Variants in ESPL1 observed in about 807,000 individuals in gnomAD.
The protein encoded by ESPL1 is separin.
ESPL1 carries 50 observed loss-of-function variants against 217.2 expected under a neutral mutation model. That is an observed-to-expected ratio of 0.23 (90% CI 0.18 to 0.29). The LOEUF (loss-of-function observed/expected upper bound fraction) is 0.29, where lower values mean the gene tolerates loss of function less well. Among genes scored for constraint, ESPL1 ranks in the 10% least tolerant of loss-of-function variants. The probability of loss-of-function intolerance (pLI) is 1.00; values close to 1 mark genes in which losing one functional copy is unlikely to be tolerated. For missense variants in ESPL1, 1,834 were observed against 2,603.0 expected (o/e 0.70, Z 6.43); for synonymous variants, 994 against 1,081.3 (o/e 0.92, Z 1.58).
At position 53,286,711 on chromosome 12, in the gene ESPL1, T is replaced by C; in HGVS notation, c.3975T>C (p.Ser1325=). 6.2e-7 allele frequency: 1 copy of C among 1,614,152 alleles called. No individual in the cohort carries two copies. Among genetic ancestry groups the C allele is most frequent in the East Asian group, 2.2e-5 (1 of 44,892 alleles). The stretch of plus-strand genomic sequence containing the variant: ...GACGAGGGCGCCAAAAGTTAGCCTC[T>C]GCTCCCCTGCGCCTCAATAATACCT... ...RSGRGRQKLA[S]APLRLNNTSQ... Residue 1325 remains serine (S), a synonymous_variant, in exon 18 of 31, where the codon TCT becomes TCC. Transcript: ENST00000257934. This position sits in a 1 kb window ranked among gnomAD's most constrained non-coding sequence, Gnocchi z 5.3.
chr12:53,269,785 C>T lies in ESPL1; in HGVS notation c.843C>T (p.Tyr281=). Residue 281 remains tyrosine (Y), a synonymous_variant, in exon 3 of 31, where the codon TAC becomes TAT. Transcript: ENST00000257934. The surrounding 1 kb of genome is among the most constrained non-coding windows in gnomAD (Gnocchi z 6.7). ...AISAVEKAHS[Y]LRNTNLAPSL... is the part of the protein sequence containing the mutation. Reference sequence around the variant, plus strand: ...GCGCAGTGGAGAAGGCTCACAGTTACCTAAGGAACACCAATCTAGCCCCTA... The same window carrying T: ...GCGCAGTGGAGAAGGCTCACAGTTATCTAAGGAACACCAATCTAGCCCCTA... The T allele has an allele frequency of 6.2e-7, 1 of 1,614,198 alleles. No homozygotes were observed. The highest frequency in any genetic ancestry group is 8.5e-7 in the Non-Finnish European group (1 of 1,180,038).
In ESPL1 at chr12:53,269,185, C is replaced by T; in HGVS notation, c.243C>T (p.Ala81=). ...LGSLLELAEL[A]CDGYLVSTPQ... ...GCCTGCTGGAGCTGGCAGAGCTGGC[C>T]TGTGATGGCTACTTAGTGTCTACCC... Residue 81 remains alanine, a synonymous_variant, in exon 3 of 31, where the codon GCC becomes GCT. Transcript: ENST00000257934. The surrounding 1 kb of genome is among the most constrained non-coding windows in gnomAD (Gnocchi z 6.7). 2.5e-6 allele frequency: 4 copies of T among 1,614,182 alleles called. No individual in the cohort carries two copies. The highest frequency in any genetic ancestry group is 3.4e-6 in the Non-Finnish European group (4 of 1,180,034).
At chr12:53,279,519 T>C (rs1343797205) in intron 11 of ESPL1, among the ~76,000 whole-genome samples, 1 of 152,198 alleles carries the variant, frequency 6.6e-6, no homozygotes, top group Admixed American at 6.5e-5. Context: ...TGGCACATAG[T>C]AAGAACTCAG....
chr12:53,286,157 T>C lies in ESPL1; in HGVS notation c.3421T>C (p.Ser1141Pro). ...TKPQPIPNFL[S>P]HSPTCDCSLC... is the part of the protein sequence containing the mutation. ...GCCCCAGCCCATACCCAACTTCCTG[T>C]CCCATTCACCCACCTGTGACTGCTC... Residue 1141 changes from serine (S) to proline (P), a missense_variant, in exon 18 of 31, where the codon TCC (serine) becomes CCC (proline). By Grantham distance (74) the Ser-to-Pro change is moderately conservative (BLOSUM62 -1). Coordinates refer to ENST00000257934, the MANE Select transcript of ESPL1 (RefSeq NM_012291.5). This position sits in a 1 kb window ranked among gnomAD's most constrained non-coding sequence, Gnocchi z 5.3. The C allele has an allele frequency of 1.2e-6, 2 of 1,614,240 alleles. No homozygotes were observed. The highest frequency in any genetic ancestry group is 1.7e-6 in the Non-Finnish European group (2 of 1,180,044).
rs1383614300 is a variant in ESPL1 at position 53,292,806 on chromosome 12, C to T, written c.5997C>T (p.Ile1999=). ...QEALTKHDLY[I]YAGHGAGARF... ...CTCATCTCACCTCCTTCTGCCTTAG[C>T]TATGCAGGGCATGGGGCTGGTGCCC... The change falls in exon 30 of 31, where the codon ATC becomes ATT. Residue 1999 remains isoleucine, a splice_region_variant and synonymous_variant. Coordinates refer to ENST00000257934, the MANE Select transcript of ESPL1 (RefSeq NM_012291.5). This position sits in a 1 kb window ranked among gnomAD's most constrained non-coding sequence, Gnocchi z 4.5. The T allele has an allele frequency of 1.2e-6, 2 of 1,608,396 alleles. No individual in the cohort carries two copies. Among genetic ancestry groups the T allele is most frequent in the Non-Finnish European group, 1.7e-6 (2 of 1,179,882 alleles).
rs754351922 is a variant in ESPL1 at position 53,291,825 on chromosome 12, C to T, written c.5656C>T (p.Pro1886Ser). Residue 1886 changes from proline to serine, a missense_variant, in exon 26 of 31, where the codon CCA becomes TCA. Pro to Ser is a moderately conservative substitution (Grantham distance 74). Coordinates refer to ENST00000257934, the MANE Select transcript of ESPL1 (RefSeq NM_012291.5). ...AGGACGTCTACAGGGCCTGACAGTA[C>T]CAAGCAATAGCCACCTTGTCTTGGT... is the stretch of plus-strand genomic sequence containing the variant. The part of the protein sequence containing the change: ...AVGRLQGLTV[P>S]SNSHLVLVLD... 9.4e-6 allele frequency: 15 copies of T among 1,596,178 alleles called. No individual in the cohort carries two copies. The highest frequency in any genetic ancestry group is 3.5e-5 in the Admixed American group (2 of 57,422).
At chr12:53,288,951 C>A in intron 20 of ESPL1, 139 bp from the exon 21 acceptor site, 1 of 760,422 alleles carries the variant, frequency 1.3e-6, no homozygotes, top group South Asian at 1.7e-5. Flanking sequence ...TGGCACCCCA[C>A]TTGGCACATT....
intron 17 of ESPL1, among the ~76,000 whole-genome samples, chr12:53,285,216 C>T (rs1943927189): frequency 6.6e-6 from 1 of 152,074 alleles, no homozygotes; most frequent in Non-Finnish European, 1.5e-5. Flanking sequence ...ATCACATATA[C>T]TTCTAGTACT....
intron 11 of ESPL1, 112 bp downstream of exon 11, chr12:53,278,072 T>C: frequency 9.0e-7 from 1 of 1,108,916 alleles, no homozygotes; most frequent in Non-Finnish European, 1.3e-6. Flanking sequence ...AAGCCAGTGA[T>C]GGAAGCGCAG....
In ESPL1 at chr12:53,288,808, G is replaced by A. The variant is rs910395537; in HGVS notation, c.4708+109G>A. The A allele has an allele frequency of 2.7e-5, 28 of 1,046,880 alleles. No individual in the cohort carries two copies. In the African/African-American group the frequency reaches 4.2e-4, roughly 16 times the overall value. 64.8% of individuals were successfully genotyped at this position (1,046,880 alleles called of 1,614,324 possible). On this transcript the variant is annotated intron_variant, in intron 20 of 30. Transcript: ENST00000257934. ...TTCGGATCTGGATCCAGTAGCCTCT[G>A]AACCTGTGTTTGAACCCCAGCACTC...
rs1209140126 is a variant in ESPL1 at position 53,277,878 on chromosome 12, G to T, written c.2282G>T (p.Gly761Val). Reference protein sequence around the residue: ...LALWKELLTKGQAPAVRCLQQ... With the variant: ...LALWKELLTKVQAPAVRCLQQ... ...CTGTGGAAGGAGCTGCTTACAAAGG[G>T]GCAGGCCCCAGCTGTACGGTGTCTC... The change falls in exon 11 of 31, where the codon GGG becomes GTG. Residue 761 changes from glycine to valine, a missense_variant. Around this residue, in one of 5 missense-constraint regions of ESPL1, gnomAD observed 746 missense variants for 1,077.0 expected, o/e 0.69. Transcript: ENST00000257934. 1.2e-6 allele frequency: 2 copies of T among 1,614,092 alleles called. No homozygotes were observed. The highest frequency in any genetic ancestry group is 1.7e-6 in the Non-Finnish European group (2 of 1,180,040).
At chr12:53,272,963 C>T in intron 6 of ESPL1, 106 bp downstream of exon 6, 1 of 1,152,514 alleles carries the variant, frequency 8.7e-7, no homozygotes, top group Non-Finnish European at 1.2e-6. Flanking sequence ...AGGTTAATAG[C>T]AGCATGTTGA....
chr12:53,283,561 T>C, intron 16 of ESPL1, 23 bp downstream of exon 16: 1 of 1,601,596 alleles, frequency 6.2e-7, no homozygotes, highest in Non-Finnish European at 8.5e-7. Context: ...CCAGAGGATA[T>C]GGCAATGATG....
rs1387376673 is a variant in ESPL1, at chr12:53,283,258, G to A, written c.2920+1G>A. Reference sequence around the variant, plus strand: ...GTGGAGACATCGTTTTTGGACTATGGTGAGTCTGGGGAGGACAGCAGGGCC... The same window carrying A: ...GTGGAGACATCGTTTTTGGACTATGATGAGTCTGGGGAGGACAGCAGGGCC... On this transcript the variant is annotated splice_donor_variant, in intron 15 of 30. Transcript: ENST00000257934. LOFTEE classifies it high-confidence loss of function. 1 of 1,614,108 alleles carries A rather than the reference G, an allele frequency of 6.2e-7. No homozygotes were observed. Among genetic ancestry groups the A allele is most frequent in the Non-Finnish European group, 8.5e-7 (1 of 1,180,038 alleles).
chr12:53,289,236 C>T lies in ESPL1; in HGVS notation c.4855C>T (p.Leu1619Phe). 1 of 1,613,134 alleles carries T rather than the reference C, an allele frequency of 6.2e-7. No homozygotes were observed. Among genetic ancestry groups the T allele is most frequent in the African/African-American group, 1.3e-5 (1 of 75,048 alleles). The change falls in exon 21 of 31, where the codon CTT becomes TTT. Residue 1619 changes from leucine to phenylalanine, a missense_variant. This residue lies in a region of ESPL1 where 681 missense variants were observed against 808.0 expected (regional missense o/e 0.84). Coordinates refer to ENST00000257934, the MANE Select transcript of ESPL1 (RefSeq NM_012291.5). ...CCGGGATCCTTATGCCACTGCTTTCCTTGTCACCGAGTCTGTCTCCATCAC... is the reference window on the plus strand; with the variant it reads ...CCGGGATCCTTATGCCACTGCTTTCTTTGTCACCGAGTCTGTCTCCATCAC... ...GHRDPYATAF[L>F]VTESVSITCR...
Position 53,292,832 on chromosome 12 carries a change from G to T in ESPL1, c.6023G>T (p.Arg2008Leu). ...TATGCAGGGCATGGGGCTGGTGCCC[G>T]CTTCCTTGATGGGCAGGCTGTCCTG... ...YIYAGHGAGARFLDGQAVLRL... is the reference protein window; with the variant it reads ...YIYAGHGAGALFLDGQAVLRL... Residue 2008 changes from arginine (R) to leucine (L), a missense_variant, in exon 30 of 31, where the codon CGC becomes CTC. Arg to Leu is a moderately radical substitution (Grantham distance 102, BLOSUM62 -2). Around this residue, in one of 5 missense-constraint regions of ESPL1, gnomAD observed 295 missense variants for 519.8 expected, o/e 0.57. Transcript: ENST00000257934. This position sits in a 1 kb window ranked among gnomAD's most constrained non-coding sequence, Gnocchi z 4.5. 6.2e-7 allele frequency: 1 copy of T among 1,610,480 alleles called. No homozygotes were observed.
In ESPL1 at chr12:53,293,426, T is replaced by C. The variant is rs767963118; in HGVS notation, c.6315T>C (p.Leu2105=). 1.9e-6 allele frequency: 3 copies of C among 1,614,156 alleles called. No individual in the cohort carries two copies. The highest frequency in any genetic ancestry group is 1.7e-5 in the Admixed American group (1 of 60,014). ...QARQAPRLKY[L]IGAAPIAYGL... ...GCCAAGCTCCCCGACTCAAGTATCT[T>C]ATTGGGGCTGCACCTATAGCCTATG... Residue 2105 remains leucine, a synonymous_variant, in exon 31 of 31, where the codon CTT becomes CTC. Transcript: ENST00000257934. This position sits in a 1 kb window ranked among gnomAD's most constrained non-coding sequence, Gnocchi z 4.2.
chr12:53,285,010 C>A (rs377442977), intron 17 of ESPL1, among the ~76,000 whole-genome samples: 150 of 100,402 alleles, frequency 1.5e-3, no homozygotes, highest in East Asian at 3.5e-3. Flanking sequence ...GACTCTGACT[C>A]AAAAAAAAAA....
chr12:53,290,900 G>T lies in ESPL1; in HGVS notation c.5424G>T (p.Pro1808=), dbSNP rs758970408. 6.2e-7 allele frequency: 1 copy of T among 1,607,396 alleles called. No homozygotes were observed. Among genetic ancestry groups the T allele is most frequent in the African/African-American group, 1.3e-5 (1 of 74,852 alleles). The change falls in exon 25 of 31, where the codon CCG becomes CCT. Residue 1808 remains proline, a synonymous_variant. Coordinates refer to ENST00000257934, the MANE Select transcript of ESPL1 (RefSeq NM_012291.5). The part of the protein sequence containing the change: ...VLGCWKGLLL[P]SSEEPGPAQE... The stretch of plus-strand genomic sequence containing the variant: ...GCTGCTGGAAGGGGCTGCTGCTGCC[G>T]TCCAGTGAGGAGCCCGGCCCTGCCC...
Sources: allele counts gnomAD v4.1 joint callset (sites outside exome capture counted in the v4.1 genomes callset), GRCh38; gene constraint gnomAD v4.1.1; regional missense constraint gnomAD v4.1.1; non-coding constraint Gnocchi (gnomAD v3.1); transcripts MANE v1.5; gene names NCBI Gene and HGNC (gene_info 2026-07-23, HGNC 2026-07-21).